The following RNGTT variants were observed in gnomAD, a reference collection of about 807,000 sequenced individuals.
The protein encoded by RNGTT is RNA guanylyltransferase and 5'-phosphatase.
In RNGTT, 33 loss-of-function variants were observed where a neutral mutation model predicts 79.3. The ratio of observed to expected loss-of-function variants is 0.42; its 90% CI spans 0.32 to 0.56. The LOEUF is 0.56. RNGTT is among the 20% of genes least tolerant of loss of function. The pLI is 0.17. For synonymous variants in RNGTT, 222 were observed against 235.9 expected (o/e 0.94, Z 0.54); for missense variants, 497 against 739.1 (o/e 0.67, Z 3.80).
intron 11 of RNGTT, among the ~76,000 whole-genome samples, chr6:88,838,405 C>A (rs943271535): frequency 1.3e-5 from 2 of 151,986 alleles, no homozygotes; most frequent in African/African-American, 4.8e-5. Context: ...TTGAGTTTAG[C>A]AAGACTGTAA....
chr6:88,957,629 A>T (rs182090927), intron 1 of RNGTT, among the ~76,000 whole-genome samples: 255 of 146,538 alleles, frequency 1.7e-3, no homozygotes, highest in African/African-American at 6.9e-3. Context: ...ACAGCTGCAT[A>T]AAAAAAATAA....
At chr6:88,702,451 CA>C (rs1554207363) in intron 13 of RNGTT, among the ~76,000 whole-genome samples, 1 of 152,080 alleles carries the variant, frequency 6.6e-6, no homozygotes, top group Non-Finnish European at 1.5e-5. Context: ...CAAAAATAAG[CA>C]ATGAGGAAAG....
intron 4 of RNGTT, among the ~76,000 whole-genome samples, chr6:88,918,029 G>C (rs1307543655): frequency 6.6e-6 from 1 of 152,034 alleles, no homozygotes; most frequent in Non-Finnish European, 1.5e-5. Context: ...ATTTGATTAA[G>C]AGTGCTAGCC....
At chr6:88,866,242 A>C (rs1782159785) in intron 8 of RNGTT, among the ~76,000 whole-genome samples, 1 of 152,150 alleles carries the variant, frequency 6.6e-6, no homozygotes, top group South Asian at 2.1e-4. Context: ...TTAGAGAATT[A>C]TGGAATTATC....
intron 14 of RNGTT, among the ~76,000 whole-genome samples, chr6:88,662,317 T>G (rs550200717): frequency 6.6e-6 from 1 of 152,284 alleles, no homozygotes; most frequent in South Asian, 2.1e-4. Flanking sequence ...TTCCAGACAT[T>G]GTATGAGGAA....
At chr6:88,669,867 G>C (rs1420517442) in intron 14 of RNGTT, among the ~76,000 whole-genome samples, 1 of 152,218 alleles carries the variant, frequency 6.6e-6, no homozygotes, top group African/African-American at 2.4e-5. Flanking sequence ...GTGGTCCCGT[G>C]AAAGAATCAT....
chr6:88,730,293 A>G (rs1777063417), intron 13 of RNGTT, among the ~76,000 whole-genome samples: 1 of 151,944 alleles, frequency 6.6e-6, no homozygotes, highest in Admixed American at 6.6e-5. Context: ...TGTAATAACC[A>G]TTTTTCCCGC....
At chr6:88,814,987 CG>C (rs1780269790) in intron 11 of RNGTT, among the ~76,000 whole-genome samples, 1 of 152,146 alleles carries the variant, frequency 6.6e-6, no homozygotes, top group Non-Finnish European at 1.5e-5. Context: ...TACTGGGAAA[CG>C]ATCTCTAGGC....
chr6:88,726,569 A>G (rs957790993), intron 13 of RNGTT, among the ~76,000 whole-genome samples: 1 of 142,460 alleles, frequency 7.0e-6, no homozygotes, highest in African/African-American at 2.6e-5. Flanking sequence ...CAAACCTAGG[A>G]GGAACTCCCT....
At chr6:88,687,725 A>T (rs994125802) in intron 13 of RNGTT, among the ~76,000 whole-genome samples, 1 of 152,010 alleles carries the variant, frequency 6.6e-6, no homozygotes, top group South Asian at 2.1e-4. Flanking sequence ...AAAAAGTACA[A>T]AACATTCATG....
At chr6:88,768,822 A>T (rs1289235174) in intron 13 of RNGTT, among the ~76,000 whole-genome samples, 1 of 151,756 alleles carries the variant, frequency 6.6e-6, no homozygotes, top group Non-Finnish European at 1.5e-5. Flanking sequence ...ATTCATGCTA[A>T]AGCATCTTTT....
intron 13 of RNGTT, among the ~76,000 whole-genome samples, chr6:88,730,147 A>T (rs1165674099): frequency 6.6e-6 from 1 of 152,252 alleles, no homozygotes; most frequent in African/African-American, 2.4e-5. Context: ...GTTAGATATG[A>T]GTTCCAAATT....
rs980665747 is a variant in RNGTT at position 88,763,981 on chromosome 6, C to G, written c.1439+5793G>C. Reference sequence around the variant, plus strand: ...AGTTCATGCTATAGTATAAGCTGCTCTGCCACTTGGGCCTTATAACCCAGT... The same window carrying G: ...AGTTCATGCTATAGTATAAGCTGCTGTGCCACTTGGGCCTTATAACCCAGT... On this transcript the variant is annotated intron_variant, in intron 13 of 15. Coordinates refer to ENST00000369485, the MANE Select transcript of RNGTT (RefSeq NM_003800.5). Among the ~76,000 whole-genome samples the G allele has an allele frequency of 3.9e-5, 6 of 152,274 alleles. No individual in the cohort carries two copies. In the South Asian group the frequency reaches 1.2e-3, roughly 32 times the overall value.
chr6:88,899,919 T>C (rs899655512), intron 6 of RNGTT, among the ~76,000 whole-genome samples: 12 of 152,168 alleles, frequency 7.9e-5, no homozygotes, highest in African/African-American at 2.4e-4. Flanking sequence ...TCACAGGCTA[T>C]AGGAATAAGA....
At chr6:88,637,537 C>T (rs143085737) in intron 14 of RNGTT, among the ~76,000 whole-genome samples, 125 of 152,140 alleles carry the variant, frequency 8.2e-4, no homozygotes, top group East Asian at 7.3e-3. Context: ...TGAGCAGTGC[C>T]CCATGCAACC....
intron 8 of RNGTT, among the ~76,000 whole-genome samples, chr6:88,870,219 A>G (rs1782310677): frequency 6.6e-6 from 1 of 152,168 alleles, no homozygotes; most frequent in African/African-American, 2.4e-5. Flanking sequence ...CCTAGTTCAC[A>G]TGTTACTGCC....
intron 2 of RNGTT, among the ~76,000 whole-genome samples, chr6:88,939,331 T>G (rs1784773467): frequency 6.6e-6 from 1 of 152,200 alleles, no homozygotes; most frequent in Non-Finnish European, 1.5e-5. Context: ...CTTACTAGGT[T>G]ACTTCCAAAG....
intron 11 of RNGTT, among the ~76,000 whole-genome samples, chr6:88,828,085 C>A (rs558047510): frequency 6.6e-6 from 1 of 152,188 alleles, no homozygotes. Flanking sequence ...GACCCCAGTG[C>A]CTACTGACTG....
chr6:88,900,088 T>G (rs928675979), intron 6 of RNGTT, among the ~76,000 whole-genome samples: 1 of 151,962 alleles, frequency 6.6e-6, no homozygotes, highest in Non-Finnish European at 1.5e-5. Flanking sequence ...TTACATAATT[T>G]TTCATAAACA....
Sources: allele counts gnomAD v4.1 joint callset (sites outside exome capture counted in the v4.1 genomes callset), GRCh38; gene constraint gnomAD v4.1.1; transcripts MANE v1.5; gene names NCBI Gene and HGNC (gene_info 2026-07-23, HGNC 2026-07-21).